LIN52: variants seen among roughly 807,000 people sequenced by gnomAD.
LIN52 encodes lin-52 DREAM MuvB core complex component, also known as protein lin-52 homolog.
In LIN52, 4 loss-of-function variants were observed where a neutral mutation model predicts 18.5. The observed-to-expected ratio is 0.22, with a 90% CI of 0.11 to 0.49. LIN52 has a LOEUF of 0.49. Ranked by LOEUF, LIN52 falls within the 20% of genes least tolerant of loss-of-function variation. The pLI is 0.97. For synonymous variants in LIN52, 34 were observed against 45.5 expected, an observed-to-expected ratio of 0.75 and a Z score of 1.02; for missense variants, 102 against 139.5, an observed-to-expected ratio of 0.73 and a Z score of 1.35.
intron 5 of LIN52, among the ~76,000 whole-genome samples, chr14:74,189,384 C>T (rs1331039624): frequency 6.6e-6 from 1 of 152,176 alleles, no homozygotes; most frequent in Non-Finnish European, 1.5e-5. Flanking sequence ...ATCTCATTGC[C>T]TTTCATTCAA....
chr14:74,128,444 G>A (rs1465708983), intron 5 of LIN52, among the ~76,000 whole-genome samples: 1 of 152,164 alleles, frequency 6.6e-6, no homozygotes. Flanking sequence ...AGGATTGGAA[G>A]GAACAGTGCC....
At chr14:74,128,505 C>T (rs1380764007) in intron 5 of LIN52, among the ~76,000 whole-genome samples, 1 of 152,192 alleles carries the variant, frequency 6.6e-6, no homozygotes, top group Non-Finnish European at 1.5e-5. Flanking sequence ...CTGGAGAAAC[C>T]TCATCATTCA....
At chr14:74,137,334 T>C (rs1210894509) in intron 5 of LIN52, among the ~76,000 whole-genome samples, 1 of 151,424 alleles carries the variant, frequency 6.6e-6, no homozygotes, top group Admixed American at 6.6e-5. Context: ...AAAAATAATT[T>C]AAAAAATCTA....
At chr14:74,123,253 G>A (rs545492867) in intron 5 of LIN52, among the ~76,000 whole-genome samples, 1 of 152,228 alleles carries the variant, frequency 6.6e-6, no homozygotes, top group African/African-American at 2.4e-5. Context: ...AGACTACAAT[G>A]GTAAGCCCTT....
intron 5 of LIN52, among the ~76,000 whole-genome samples, chr14:74,195,401 A>G (rs1294982162): frequency 6.6e-6 from 1 of 152,212 alleles, no homozygotes; most frequent in Non-Finnish European, 1.5e-5. Context: ...GGGAATAGAA[A>G]TGGCTTTCTC....
Position 74,087,565 on chromosome 14 carries a change from AAATC to A in LIN52, c.19+2575_19+2578del, listed in dbSNP as rs377162800. 1.9e-4 allele frequency among the ~76,000 whole-genome samples: 29 copies of A among 152,260 alleles called. No homozygotes were observed. The South Asian group carries it at 5.6e-3, about 29-fold the overall frequency. On this transcript the variant is annotated intron_variant, in intron 1 of 5. Coordinates refer to ENST00000555028, the MANE Select transcript of LIN52 (RefSeq NM_001024674.3). ...CTAATGTTTTCTTTTTAATCTGAAA[AAATC>A]AAGTCAAGCACTTTGAACTTAAATT...
chr14:74,121,844 C>T (rs1261220985), intron 5 of LIN52, among the ~76,000 whole-genome samples: 1 of 151,912 alleles, frequency 6.6e-6, no homozygotes, highest in East Asian at 1.9e-4. Context: ...CTGCCTCAGC[C>T]TCCCGAATAG....
intron 5 of LIN52, among the ~76,000 whole-genome samples, chr14:74,155,632 G>A (rs1186602346): frequency 6.6e-6 from 1 of 152,192 alleles, no homozygotes; most frequent in Non-Finnish European, 1.5e-5. Flanking sequence ...ATTAGACTCC[G>A]TCGTAGTAGA....
intron 5 of LIN52, among the ~76,000 whole-genome samples, chr14:74,120,243 C>T (rs548347566): frequency 4.6e-5 from 7 of 152,276 alleles, no homozygotes; most frequent in African/African-American, 1.7e-4. Flanking sequence ...TGTAGCTTCC[C>T]TTTTAATTTT....
At chr14:74,140,678 G>T (rs1595172477) in intron 5 of LIN52, among the ~76,000 whole-genome samples, 1 of 152,172 alleles carries the variant, frequency 6.6e-6, no homozygotes, top group Non-Finnish European at 1.5e-5. Flanking sequence ...TTAAGAACCC[G>T]CACGTGGCTG....
chr14:74,174,940 C>T (rs976565603), intron 5 of LIN52, among the ~76,000 whole-genome samples: 19 of 151,308 alleles, frequency 1.3e-4, no homozygotes, highest in African/African-American at 4.1e-4. Flanking sequence ...CCTCAGTTAA[C>T]GGAGGTCGAG....
At chr14:74,179,570 C>T (rs1025053514) in intron 5 of LIN52, among the ~76,000 whole-genome samples, 5 of 150,878 alleles carry the variant, frequency 3.3e-5, no homozygotes, top group African/African-American at 4.9e-5. Context: ...GCGGCAGAAT[C>T]GCTTGAACCC....
intron 5 of LIN52, among the ~76,000 whole-genome samples, chr14:74,135,140 C>G (rs544516026): frequency 1.6e-3 from 238 of 152,310 alleles, no homozygotes; most frequent in Admixed American, 2.4e-3. Flanking sequence ...TCTCTGCTCA[C>G]TACGATCTCC....
intron 5 of LIN52, among the ~76,000 whole-genome samples, chr14:74,183,190 C>T (rs1204389035): frequency 2.0e-5 from 3 of 151,696 alleles, no homozygotes; most frequent in Non-Finnish European, 2.9e-5. Context: ...TTTCATCTCC[C>T]GGGTTCACGC....
intron 2 of LIN52, among the ~76,000 whole-genome samples, chr14:74,095,154 T>TTTTTTC (rs2060800858): frequency 6.8e-6 from 1 of 147,664 alleles, no homozygotes; most frequent in South Asian, 2.3e-4. Flanking sequence ...TAACTGTTTT[T>TTTTTTC]TTTTTTTTTT....
chr14:74,135,098 C>A (rs1013352826), intron 5 of LIN52, among the ~76,000 whole-genome samples: 13 of 152,152 alleles, frequency 8.5e-5, no homozygotes, highest in African/African-American at 3.1e-4. Flanking sequence ...CAGAGTCTTG[C>A]TCTGTCGCCA....
chr14:74,194,052 A>G (rs886802788), intron 5 of LIN52, among the ~76,000 whole-genome samples: 1 of 152,250 alleles, frequency 6.6e-6, no homozygotes, highest in Non-Finnish European at 1.5e-5. Context: ...AAAGCTGAGC[A>G]GAATTTTATC....
chr14:74,112,451 A>G (rs1333763455), intron 5 of LIN52, among the ~76,000 whole-genome samples: 2 of 152,010 alleles, frequency 1.3e-5, no homozygotes. Flanking sequence ...AATGTGGTTA[A>G]TTCAATAGTT....
At chr14:74,169,739 G>T (rs2061263132) in intron 5 of LIN52, among the ~76,000 whole-genome samples, 1 of 152,100 alleles carries the variant, frequency 6.6e-6, no homozygotes, top group Non-Finnish European at 1.5e-5. Context: ...ATGTGTTTCT[G>T]TTTTTTCAAA....
Sources: gnomAD v4.1 joint callset for allele counts (sites outside exome capture counted in the v4.1 genomes callset) on GRCh38, gnomAD v4.1.1 for gene constraint, MANE v1.5 for transcripts, NCBI Gene and HGNC (gene_info 2026-07-23, HGNC 2026-07-21) for gene names.